The following FAM120B variants were observed in gnomAD, a reference collection of about 807,000 sequenced individuals.
FAM120B encodes the protein constitutive coactivator of peroxisome proliferator-activated receptor gamma.
A neutral mutation model predicts 96.3 loss-of-function variants in FAM120B; 83 were observed. That is an observed-to-expected ratio of 0.86 (90% CI 0.72 to 1.03). The LOEUF (loss-of-function observed/expected upper bound fraction) is 1.03, where lower values mean the gene tolerates loss of function less well. FAM120B is among the 50% of genes least tolerant of loss of function. The pLI is 0.00. For synonymous variants in FAM120B, 407 were observed against 402.7 expected (o/e 1.01, Z -0.13); for missense variants, 1,027 against 1,121.2 (o/e 0.92, Z 1.20).
chr6:170,364,204 C>T (rs2115217152), intron 6 of FAM120B, among the ~76,000 whole-genome samples: 1 of 152,290 alleles, frequency 6.6e-6, no homozygotes, highest in Non-Finnish European at 1.5e-5. Flanking sequence ...TCCAGGGGCC[C>T]TGAGTCTCCT....
chr6:170,327,312 C>T (rs1785660359), intron 3 of FAM120B, among the ~76,000 whole-genome samples: 1 of 152,144 alleles, frequency 6.6e-6, no homozygotes. Flanking sequence ...TCCCAAAGTG[C>T]TGGGATTACA....
At chr6:170,403,904 G>A (rs1778706218) in intron 9 of FAM120B, among the ~76,000 whole-genome samples, 1 of 152,214 alleles carries the variant, frequency 6.6e-6, no homozygotes, top group Non-Finnish European at 1.5e-5. Context: ...ACACTTTTGG[G>A]GGAGGGGAGA....
At chr6:170,311,305 C>A (rs1021064428) in intron 1 of FAM120B, among the ~76,000 whole-genome samples, 1 of 152,236 alleles carries the variant, frequency 6.6e-6, no homozygotes, top group Non-Finnish European at 1.5e-5. Context: ...GGCCCCAACT[C>A]CTCCAGCAGT....
intron 2 of FAM120B, among the ~76,000 whole-genome samples, chr6:170,319,382 G>A (rs929777229): frequency 1.3e-5 from 2 of 152,204 alleles, no homozygotes; most frequent in African/African-American, 4.8e-5. Flanking sequence ...AGTACAGGGA[G>A]AAGGCCGGGC....
Position 170,295,503 on chromosome 6 carries a change from G to C in FAM120B, c.48+50G>C, listed in dbSNP as rs1431762994. ...AGGCGCGCGGCCCCCAGGCAGCCGC[G>C]CTTCCACAGCGGGCAGGAGCGCGAC... On this transcript the variant is annotated intron_variant, in intron 1 of 10. Transcript: ENST00000537664. The surrounding 1 kb of genome is among the most constrained non-coding windows in gnomAD (Gnocchi z 7.8). 1 of 691,036 alleles carries C rather than the reference G, an allele frequency of 1.4e-6. No homozygotes were observed. Among genetic ancestry groups the C allele is most frequent in the East Asian group, 2.7e-5 (1 of 36,434 alleles). The allele number at this position is 691,036 out of a possible 1,614,324, so 42.8% of individuals were successfully genotyped here. A position where few individuals can be genotyped will look rare whatever the true frequency, so the allele number is the denominator to read the frequency against.
intron 6 of FAM120B, among the ~76,000 whole-genome samples, chr6:170,373,032 A>G (rs981883278): frequency 6.6e-6 from 1 of 152,370 alleles, no homozygotes; most frequent in African/African-American, 2.4e-5. Flanking sequence ...ATCATTTTAC[A>G]TAACTGCCAA....
chr6:170,311,228 A>G (rs895890435), intron 1 of FAM120B, among the ~76,000 whole-genome samples: 2 of 152,174 alleles, frequency 1.3e-5, no homozygotes, highest in Non-Finnish European at 2.9e-5. Flanking sequence ...GTCCTTAGTG[A>G]CATCTTGTTT....
chr6:170,343,731 C>T (rs2115119865), intron 4 of FAM120B, among the ~76,000 whole-genome samples: 1 of 152,132 alleles, frequency 6.6e-6, no homozygotes, highest in Non-Finnish European at 1.5e-5. Context: ...TTGAGTAAGT[C>T]TAGGGTGGGA....
Position 170,336,372 on chromosome 6 carries a change from ATTT to A in FAM120B, c.2017+5823_2017+5825del, listed in dbSNP as rs2115090391. On this transcript the variant is annotated intron_variant, in intron 4 of 10. Transcript: ENST00000476287. ...CAGATGGTTGTAGATGTGTGGTGTT[ATTT>A]CTGAGGCCTTTGGTCTATATATCTG... 1.3e-5 allele frequency among the ~76,000 whole-genome samples: 2 copies of A among 151,724 alleles called. 1 individual carries two copies. The highest frequency in any genetic ancestry group is 2.9e-5 in the Non-Finnish European group (2 of 67,838).
rs766907261 is a variant in FAM120B at position 170,318,927 on chromosome 6, G to C, written c.1537G>C (p.Asp513His). ...CAAACAGGAAGTTCCCATATGTACA[G>C]ATCCTATATCCAAGCAAGAAGACTC... ...ESKQEVPICTDPISKQEDSMC... is the reference protein window; with the variant it reads ...ESKQEVPICTHPISKQEDSMC... Residue 513 changes from aspartate (D) to histidine (H), a missense_variant, in exon 2 of 11, where the codon GAT becomes CAT. By Grantham distance (81) the Asp-to-His change is moderately conservative (BLOSUM62 -1). This residue lies in a region of FAM120B where 880 missense variants were observed against 980.9 expected (regional missense o/e 0.90). Transcript: ENST00000476287. 1 of 1,614,216 alleles carries C rather than the reference G, an allele frequency of 6.2e-7. No homozygotes were observed. Among genetic ancestry groups the C allele is most frequent in the Admixed American group, 1.7e-5 (1 of 60,030 alleles).
intron 8 of FAM120B, among the ~76,000 whole-genome samples, chr6:170,394,820 C>T (rs7772226): frequency 0.091 from 13,869 of 152,354 alleles, 691 homozygotes; most frequent in African/African-American, 0.1. Flanking sequence ...TGTGTGGTCA[C>T]GCACTGGGAG....
At chr6:170,391,485 A>G (rs1011797916) in intron 8 of FAM120B, among the ~76,000 whole-genome samples, 1 of 152,160 alleles carries the variant, frequency 6.6e-6, no homozygotes, top group African/African-American at 2.4e-5. Flanking sequence ...CAGTGAGCCA[A>G]GATCACGTCA....
chr6:170,306,622 T>C (rs1784298474), upstream of FAM120B: 1 of 152,124 alleles, frequency 6.6e-6, no homozygotes, highest in Admixed American at 6.5e-5. Flanking sequence ...CCGCGTCCGC[T>C]GTCCGCGCCT....
intron 6 of FAM120B, among the ~76,000 whole-genome samples, chr6:170,369,528 G>T (rs1444243444): frequency 1.3e-5 from 2 of 152,196 alleles, no homozygotes. Flanking sequence ...AGAATTCCGA[G>T]TCCAGTTTGG....
chr6:170,319,151 C>G (rs771911334), intron 2 of FAM120B, 27 bp downstream of exon 2: 1 of 1,514,650 alleles, frequency 6.6e-7, no homozygotes, highest in South Asian at 1.3e-5. Context: ...AGCCAATATG[C>G]CATGATTGAA....
upstream of FAM120B, among the ~76,000 whole-genome samples, chr6:170,293,404 G>A (rs981706538): frequency 6.6e-6 from 1 of 152,022 alleles, no homozygotes; most frequent in African/African-American, 2.4e-5. Context: ...CACGCGCAAG[G>A]GCTTAAACCT....
At chr6:170,378,817 T>C (rs1789734900) in intron 6 of FAM120B, among the ~76,000 whole-genome samples, 1 of 152,248 alleles carries the variant, frequency 6.6e-6, no homozygotes, top group African/African-American at 2.4e-5. Flanking sequence ...CAGGGTGGGC[T>C]GCACCTTTAT....
intron 6 of FAM120B, among the ~76,000 whole-genome samples, chr6:170,383,101 A>AG (rs1266519126): frequency 2.2e-5 from 3 of 135,476 alleles, no homozygotes; most frequent in East Asian, 5.3e-4. Context: ...AGCCAAAAAA[A>AG]GAAAAAAAAA....
chr6:170,352,586 C>T (rs1332344620), intron 5 of FAM120B, among the ~76,000 whole-genome samples: 1 of 152,150 alleles, frequency 6.6e-6, no homozygotes. Flanking sequence ...GTCTCTTAGA[C>T]CACAGAGCAG....
Sources: allele counts gnomAD v4.1 joint callset (sites outside exome capture counted in the v4.1 genomes callset), GRCh38; gene constraint gnomAD v4.1.1; regional missense constraint gnomAD v4.1.1; non-coding constraint Gnocchi (gnomAD v3.1); transcripts MANE v1.5; gene names NCBI Gene and HGNC (gene_info 2026-07-23, HGNC 2026-07-21).